Variants in STYXL2 observed in about 807,000 individuals in gnomAD.
STYXL2 encodes the protein serine/threonine/tyrosine interacting like 2, also known as serine/threonine/tyrosine-interacting-like protein 2.
STYXL2 carries 44 observed loss-of-function variants against 52.4 expected under a neutral mutation model. The observed-to-expected ratio is 0.84, with a 90% CI of 0.66 to 1.08. The LOEUF (loss-of-function observed/expected upper bound fraction) is 1.08. Ranked by LOEUF, STYXL2 falls within the 50% of genes least tolerant of loss-of-function variation. The pLI is 0.00. For synonymous variants in STYXL2, 604 were observed against 586.9 expected, an observed-to-expected ratio of 1.03 and a Z score of -0.42; for missense variants, 1,604 against 1,471.7, an observed-to-expected ratio of 1.09 and a Z score of -1.47.
At chr1:167,112,988 A>G (rs1368412744) in intron 2 of STYXL2, among the ~76,000 whole-genome samples, 1 of 152,166 alleles carries the variant, frequency 6.6e-6, no homozygotes, top group Non-Finnish European at 1.5e-5. Flanking sequence ...CCACCGCCAT[A>G]GTGCAGTCCC....
intron 2 of STYXL2, among the ~76,000 whole-genome samples, chr1:167,106,604 A>G (rs1667510612): frequency 6.6e-6 from 1 of 152,236 alleles, no homozygotes; most frequent in Non-Finnish European, 1.5e-5. Flanking sequence ...AACTCCCTTA[A>G]TAAATATTGT....
rs748280075 is a variant in STYXL2, at chr1:167,117,558, A to G, written c.436A>G (p.Lys146Glu). The change falls in exon 4 of 6, where the codon AAG (lysine) becomes GAG (glutamate). Residue 146 changes from lysine (K) to glutamate (E), a missense_variant and splice_region_variant. Transcript: ENST00000361200. ...EVWPNVFIAE[K>E]SVAVNKGRLK... ...CTGGCCCAATGTCTTCATAGCTGAGAAGTGAGTCTGACTGCTCTTCATGAC... is the reference window on the plus strand; with the variant it reads ...CTGGCCCAATGTCTTCATAGCTGAGGAGTGAGTCTGACTGCTCTTCATGAC... 2 of 1,592,112 alleles carry G rather than the reference A, an allele frequency of 1.3e-6. No homozygotes were observed. Among genetic ancestry groups the G allele is most frequent in the South Asian group, 2.3e-5 (2 of 87,286 alleles).
chr1:167,126,873 C>T lies in STYXL2; in HGVS notation c.1742C>T (p.Pro581Leu). 1.2e-6 allele frequency: 2 copies of T among 1,613,304 alleles called. No homozygotes were observed. The highest frequency in any genetic ancestry group is 1.7e-6 in the Non-Finnish European group (2 of 1,179,500). The change falls in exon 6 of 6, where the codon CCC (proline) becomes CTC (leucine). Residue 581 changes from proline to leucine, a missense_variant. Transcript: ENST00000361200. The part of the protein sequence containing the change: ...GAEEAVGEKN[P>L]SDVSLTAYQA... ...GAGGAGGCAGTAGGGGAGAAGAACC[C>T]CTCCGACGTCAGCCTGACAGCCTAC...
At chr1:167,103,917 C>T (rs571666735) in intron 2 of STYXL2, among the ~76,000 whole-genome samples, 4 of 152,194 alleles carry the variant, frequency 2.6e-5, no homozygotes, top group African/African-American at 7.2e-5. Context: ...GTCAGGAGAT[C>T]GAGACCATCC....
chr1:167,117,356 C>T lies in STYXL2; in HGVS notation c.234C>T (p.Asp78=), dbSNP rs139638553. Residue 78 remains aspartate, a synonymous_variant, in exon 4 of 6, where the codon GAC becomes GAT. Transcript: ENST00000361200. ...TCAAGCCACCGGGGGTCAGAGCAGACGCAGAGTGTCCAGGCATGCTGGAGT... is the reference window on the plus strand; with the variant it reads ...TCAAGCCACCGGGGGTCAGAGCAGATGCAGAGTGTCCAGGCATGCTGGAGT... ...EELKPPGVRA[D]AECPGMLESA... 369 of 1,611,072 alleles carry T rather than the reference C, an allele frequency of 2.3e-4. No individual in the cohort carries two copies. Among genetic ancestry groups the T allele is most frequent in the African/African-American group, 9.1e-4 (68 of 74,972 alleles).
intron 2 of STYXL2, among the ~76,000 whole-genome samples, chr1:167,107,868 G>A (rs1430790543): frequency 6.6e-6 from 1 of 152,178 alleles, no homozygotes; most frequent in Non-Finnish European, 1.5e-5. Flanking sequence ...CAAGATCAAG[G>A]AAGACTTCCC....
In STYXL2 at chr1:167,128,595, G is replaced by T. The variant is rs1668028285; in HGVS notation, c.3464G>T (p.Arg1155Met). ...QEETRTKLQK[R>M]RED Reference sequence around the variant, plus strand: ...GAAACCAGGACCAAGCTGCAGAAAAGGAGGGAGGACTGAGCTGGGGAAAAT... The same window carrying T: ...GAAACCAGGACCAAGCTGCAGAAAATGAGGGAGGACTGAGCTGGGGAAAAT... The change falls in exon 6 of 6, where the codon AGG becomes ATG. Residue 1155 changes from arginine (R) to methionine (M), a missense_variant. Coordinates refer to ENST00000361200, the MANE Select transcript of STYXL2 (RefSeq NM_001080426.3). 3 of 1,611,978 alleles carry T rather than the reference G, an allele frequency of 1.9e-6. No individual in the cohort carries two copies. In the South Asian group the frequency reaches 3.3e-5, roughly 18 times the overall value.
At chr1:167,116,354 C>CAA in intron 3 of STYXL2, among the ~76,000 whole-genome samples, 1 of 152,260 alleles carries the variant, frequency 6.6e-6, no homozygotes, top group Non-Finnish European at 1.5e-5. Context: ...GGCCCTGAGT[C>CAA]ACGTTTTGAG....
At position 167,113,864 on chromosome 1, in the gene STYXL2, G is replaced by A. The variant is rs1227283699; in HGVS notation, c.205+60G>A. 19 of 1,346,366 alleles carry A rather than the reference G, an allele frequency of 1.4e-5. 1 individual carries two copies. The South Asian group carries it at 2.0e-4, about 14-fold the overall frequency. The allele number at this position is 1,346,366 out of a possible 1,614,324, so 83.4% of individuals were successfully genotyped here. A position where few individuals can be genotyped will look rare whatever the true frequency, so the allele number is the denominator to read the frequency against. ...CAGTGGTCATCTGGAGACCCTTAGA[G>A]GGGGGCCATTGGAAGACGTCAATGT... On this transcript the variant is annotated intron_variant, in intron 3 of 5. Transcript: ENST00000361200.
At chr1:167,107,510 C>T (rs113809799) in intron 2 of STYXL2, among the ~76,000 whole-genome samples, 1,790 of 152,328 alleles carry the variant, frequency 0.012, 41 homozygotes, top group African/African-American at 0.041. Flanking sequence ...CAGCCAAGAT[C>T]CTGCTTTTGC....
chr1:167,105,549 G>A (rs1319583375), intron 2 of STYXL2, among the ~76,000 whole-genome samples: 1 of 152,058 alleles, frequency 6.6e-6, no homozygotes, highest in Non-Finnish European at 1.5e-5. Context: ...AAAACCTCTA[G>A]GGCTGCCATC....
intron 5 of STYXL2, among the ~76,000 whole-genome samples, chr1:167,125,482 T>C (rs1667942177): frequency 6.6e-6 from 1 of 152,216 alleles, no homozygotes; most frequent in South Asian, 2.1e-4. Flanking sequence ...CTTTTCTGCT[T>C]TATCACCCTT....
intron 2 of STYXL2, among the ~76,000 whole-genome samples, chr1:167,113,241 A>G (rs1379650230): frequency 2.0e-5 from 3 of 152,096 alleles, no homozygotes; most frequent in Admixed American, 1.3e-4. Context: ...ACAAACAGGG[A>G]GAAGGAATGG....
intron 5 of STYXL2, 67 bp downstream of exon 5, chr1:167,119,533 T>C (rs1343160402): frequency 6.3e-6 from 9 of 1,423,034 alleles, no homozygotes; most frequent in African/African-American, 1.4e-5. Flanking sequence ...GGGAATGTTA[T>C]GAAAACCTGA....
chr1:167,102,235 AC>A (rs1667418710), intron 2 of STYXL2, among the ~76,000 whole-genome samples: 1 of 152,124 alleles, frequency 6.6e-6, no homozygotes, highest in South Asian at 2.1e-4. Flanking sequence ...ACGGATGTAT[AC>A]ATATGTCAAA....
At chr1:167,120,571 C>T (rs1571344582) in intron 5 of STYXL2, among the ~76,000 whole-genome samples, 1 of 152,066 alleles carries the variant, frequency 6.6e-6, no homozygotes, top group South Asian at 2.1e-4. Context: ...CCACCAATGG[C>T]CAGGTTGGGT....
Position 167,128,991 on chromosome 1 carries a change from C to T in STYXL2, c.*383C>T, listed in dbSNP as rs943043667. 9 of 184,680 alleles carry T rather than the reference C, an allele frequency of 4.9e-5. No individual in the cohort carries two copies. Among genetic ancestry groups the T allele is most frequent in the South Asian group, 1.2e-4 (1 of 8,266 alleles). 11.4% of individuals were successfully genotyped at this position (184,680 alleles called of 1,614,324 possible). On this transcript the variant is annotated 3_prime_UTR_variant, in exon 6 of 6. Coordinates refer to ENST00000361200, the MANE Select transcript of STYXL2 (RefSeq NM_001080426.3). ...CCAGAAAGGCCATGAACATAGGACACGCTTCTGTCTGTAGAGGCTTCATAT... is the reference window on the plus strand; with the variant it reads ...CCAGAAAGGCCATGAACATAGGACATGCTTCTGTCTGTAGAGGCTTCATAT...
Position 167,127,920 on chromosome 1 carries a change from A to G in STYXL2, c.2789A>G (p.Glu930Gly). The change falls in exon 6 of 6, where the codon GAG becomes GGG. Residue 930 changes from glutamate to glycine, a missense_variant. Transcript: ENST00000361200. ...HYASGSRVGK[E>G]MDSSINKWLS... ...GCAAGTGGCAGCAGAGTTGGCAAAG[A>G]GATGGATAGCAGTATTAATAAGTGG... 2 of 1,614,124 alleles carry G rather than the reference A, an allele frequency of 1.2e-6. No individual in the cohort carries two copies. Among genetic ancestry groups the G allele is most frequent in the South Asian group, 2.2e-5 (2 of 91,074 alleles).
In STYXL2 at chr1:167,127,948, C is replaced by T. The variant is rs1188531378; in HGVS notation, c.2817C>T (p.Leu939=). The change falls in exon 6 of 6, where the codon CTC becomes CTT. Residue 939 remains leucine (L), a synonymous_variant. Transcript: ENST00000361200. Reference sequence around the variant, plus strand: ...TGGATAGCAGTATTAATAAGTGGCTCAGTGGCCTCAGGACGGAGGAAAAAC... The same window carrying T: ...TGGATAGCAGTATTAATAAGTGGCTTAGTGGCCTCAGGACGGAGGAAAAAC... The part of the protein sequence containing the change: ...KEMDSSINKW[L]SGLRTEEKPP... The T allele has an allele frequency of 1.2e-6, 2 of 1,614,170 alleles. No individual in the cohort carries two copies. Among genetic ancestry groups the T allele is most frequent in the South Asian group, 1.1e-5 (1 of 91,084 alleles).
Sources: allele counts gnomAD v4.1 joint callset (sites outside exome capture counted in the v4.1 genomes callset), GRCh38; gene constraint gnomAD v4.1.1; transcripts MANE v1.5; gene names NCBI Gene and HGNC (gene_info 2026-07-23, HGNC 2026-07-21).